The following CSMD1 variants were observed in gnomAD, a reference collection of about 807,000 sequenced individuals.
The protein encoded by CSMD1 is CUB and sushi domain-containing protein 1.
Under a neutral mutation model 417.5 loss-of-function variants are expected in CSMD1, and 213 were observed. The ratio of observed to expected loss-of-function variants is 0.51; its 90% CI spans 0.46 to 0.57. CSMD1 has a LOEUF of 0.57. CSMD1 is among the 20% of genes least tolerant of loss of function. The pLI is 0.00. For missense variants in CSMD1, 6,923 were observed against 4,529.7 expected, an observed-to-expected ratio of 1.53 and a Z score of -15.17; for synonymous variants, 2,862 against 1,736.8, an observed-to-expected ratio of 1.65 and a Z score of -16.11.
At chr8:4,467,975 T>G (rs1382822149) in intron 2 of CSMD1, among the ~76,000 whole-genome samples, 1 of 152,236 alleles carries the variant, frequency 6.6e-6, no homozygotes, top group African/African-American at 2.4e-5. Context: ...AAGGCTTGAC[T>G]AAGGACCCTG....
chr8:4,048,644 C>G (rs1410736726), intron 3 of CSMD1, among the ~76,000 whole-genome samples: 1 of 152,202 alleles, frequency 6.6e-6, no homozygotes, highest in African/African-American at 2.4e-5. Flanking sequence ...TTTTGGGTGT[C>G]AATCTGACTT....
intron 1 of CSMD1, among the ~76,000 whole-genome samples, chr8:4,679,486 T>C (rs1369071955): frequency 1.3e-5 from 2 of 152,220 alleles, no homozygotes; most frequent in African/African-American, 4.8e-5. Flanking sequence ...CCTATCACTA[T>C]TCTAGAATTT....
At chr8:4,888,141 A>G (rs1028847630) in intron 1 of CSMD1, among the ~76,000 whole-genome samples, 1 of 152,072 alleles carries the variant, frequency 6.6e-6, no homozygotes, top group African/African-American at 2.4e-5. Flanking sequence ...AATGCCATAT[A>G]TAAAAGAGTA....
At chr8:4,782,845 G>T (rs1355327853) in intron 1 of CSMD1, among the ~76,000 whole-genome samples, 1 of 151,658 alleles carries the variant, frequency 6.6e-6, no homozygotes, top group Non-Finnish European at 1.5e-5. Context: ...CACAACTCAA[G>T]CTATTTTTTT....
intron 2 of CSMD1, among the ~76,000 whole-genome samples, chr8:4,539,301 A>C (rs572756823): frequency 5.3e-5 from 8 of 152,320 alleles, no homozygotes; most frequent in East Asian, 1.9e-4. Context: ...GGGATGTAAA[A>C]TATATCTTTT....
chr8:3,090,691 C>A (rs961950555), intron 48 of CSMD1, among the ~76,000 whole-genome samples: 1 of 152,182 alleles, frequency 6.6e-6, no homozygotes, highest in African/African-American at 2.4e-5. Context: ...TTCCCATACA[C>A]AATGAGCATC....
chr8:3,052,133 T>C (rs1340293245), intron 50 of CSMD1, among the ~76,000 whole-genome samples: 1 of 152,194 alleles, frequency 6.6e-6, no homozygotes. Flanking sequence ...TACAGTCTTA[T>C]TGCAGGGCTT....
intron 5 of CSMD1, among the ~76,000 whole-genome samples, chr8:3,939,669 T>C (rs191495363): frequency 1.2e-4 from 18 of 152,190 alleles, no homozygotes; most frequent in Admixed American, 3.3e-4. Context: ...ATATACACCA[T>C]GGAGTAGTAG....
intron 51 of CSMD1, among the ~76,000 whole-genome samples, chr8:3,023,785 G>A (rs761927687): frequency 1.3e-5 from 2 of 150,186 alleles, no homozygotes; most frequent in African/African-American, 4.9e-5. Flanking sequence ...AAGCAAATAA[G>A]TAACTGAAAA....
intron 1 of CSMD1, among the ~76,000 whole-genome samples, chr8:4,807,817 T>C (rs1164206009): frequency 6.6e-6 from 1 of 152,138 alleles, no homozygotes; most frequent in Admixed American, 6.5e-5. Context: ...AAGCCAGCCA[T>C]AATATTAATA....
chr8:3,699,198 C>G (rs117572774), intron 7 of CSMD1, among the ~76,000 whole-genome samples: 1 of 152,216 alleles, frequency 6.6e-6, no homozygotes, highest in African/African-American at 2.4e-5. Context: ...TGTTTTCTGA[C>G]TGACTAGAGC....
At chr8:3,140,924 T>C (rs1818398823) in intron 41 of CSMD1, among the ~76,000 whole-genome samples, 3 of 152,366 alleles carry the variant, frequency 2.0e-5, no homozygotes, top group Middle Eastern at 3.4e-3. Flanking sequence ...GTTCAATCAC[T>C]GATTTTTTTT....
At chr8:4,634,158 G>C (rs1041182532) in intron 2 of CSMD1, among the ~76,000 whole-genome samples, 6 of 151,914 alleles carry the variant, frequency 3.9e-5, no homozygotes, top group Non-Finnish European at 7.4e-5. Context: ...TTATTGATGG[G>C]TGCCCAAATC....
chr8:3,434,393 G>A (rs1216978557), intron 12 of CSMD1, among the ~76,000 whole-genome samples: 1 of 152,082 alleles, frequency 6.6e-6, no homozygotes, highest in Non-Finnish European at 1.5e-5. Context: ...TTTCTTCTGA[G>A]CATTTGTAAA....
chr8:3,997,587 T>C (rs1815314075), intron 5 of CSMD1, among the ~76,000 whole-genome samples: 1 of 152,152 alleles, frequency 6.6e-6, no homozygotes, highest in Non-Finnish European at 1.5e-5. Flanking sequence ...CTGCTCACAG[T>C]GAAACAGCTT....
chr8:3,973,801 A>G (rs1377495533), intron 5 of CSMD1, among the ~76,000 whole-genome samples: 1 of 152,152 alleles, frequency 6.6e-6, no homozygotes. Context: ...TTTCTCAGAA[A>G]CCAGCCCTGG....
In CSMD1 at chr8:4,267,535, A is replaced by C. The variant is rs541243413; in HGVS notation, c.415+152418T>G. 3.1e-3 allele frequency among the ~76,000 whole-genome samples: 467 copies of C among 151,906 alleles called. 5 individuals are homozygous for C. The highest frequency in any genetic ancestry group is 0.011 in the African/African-American group (450 of 41,514). On this transcript the variant is annotated intron_variant, in intron 3 of 69. Transcript: ENST00000635120. ...AAGTATTGATCCCAGCTACACTGCA[A>C]CTCCAATTGTAATAGAAATAGCAAT... is the stretch of plus-strand genomic sequence containing the variant.
In CSMD1 at chr8:3,052,596, T is replaced by C. The variant is rs756573563; in HGVS notation, c.7526A>G (p.Asn2509Ser). The change falls in exon 50 of 70, where the codon AAC becomes AGC. Residue 2509 changes from asparagine (N) to serine (S), a missense_variant. Physicochemically the swap from Asn to Ser is conservative, Grantham distance 46 (BLOSUM62 1). Coordinates refer to ENST00000635120, the MANE Select transcript of CSMD1 (RefSeq NM_033225.6). ...CACTTTACTGTCCAAAGTGAACTCGTTCCCGGTAAATGAACCGTTTCCTGG... is the reference window on the plus strand; with the variant it reads ...CACTTTACTGTCCAAAGTGAACTCGCTCCCGGTAAATGAACCGTTTCCTGG... ...ESPGNGSFTG[N>S]EFTLDSKVVY... 1.2e-5 allele frequency: 20 copies of C among 1,611,968 alleles called. No individual in the cohort carries two copies. Among genetic ancestry groups the C allele is most frequent in the Admixed American group, 1.7e-5 (1 of 59,812 alleles).
chr8:4,410,114 C>G (rs575856306), intron 3 of CSMD1, among the ~76,000 whole-genome samples: 1 of 152,196 alleles, frequency 6.6e-6, no homozygotes, highest in South Asian at 2.1e-4. Flanking sequence ...GTACCCGGTC[C>G]CATACTTTAT....
Sources: allele counts gnomAD v4.1 joint callset (sites outside exome capture counted in the v4.1 genomes callset), GRCh38; gene constraint gnomAD v4.1.1; transcripts MANE v1.5; gene names NCBI Gene and HGNC (gene_info 2026-07-23, HGNC 2026-07-21).